The following NPFFR2 variants were observed in gnomAD, a reference collection of about 807,000 sequenced individuals.
NPFFR2 encodes neuropeptide FF receptor 2.
NPFFR2 carries 15 observed loss-of-function variants against 13.1 expected under a neutral mutation model. The observed-to-expected ratio is 1.15, with a 90% CI of 0.77 to 1.76. The LOEUF is 1.76. NPFFR2 is among the 40% of genes most tolerant of loss of function. The pLI is 0.00. For missense variants in NPFFR2, 572 were observed against 503.5 expected (o/e 1.14, Z -1.30); for synonymous variants, 190 against 175.7 (o/e 1.08, Z -0.65).
At chr4:72,128,354 A>C (rs1244104856) in intron 1 of NPFFR2, among the ~76,000 whole-genome samples, 2 of 152,174 alleles carry the variant, frequency 1.3e-5, no homozygotes, top group African/African-American at 4.8e-5. Flanking sequence ...AAAATATAAT[A>C]ATAACCATTA....
intron 1 of NPFFR2, among the ~76,000 whole-genome samples, chr4:72,039,006 G>A (rs1423961410): frequency 7.1e-6 from 1 of 140,020 alleles, no homozygotes; most frequent in Admixed American, 7.6e-5. Context: ...CCGGGTTCGC[G>A]CCATTCTCCT....
Position 72,075,248 on chromosome 4 carries a change from G to A in NPFFR2, c.-8+43048G>A, listed in dbSNP as rs1578438620. Reference sequence around the variant, plus strand: ...TGGATGCTTCCTGCCATTGAACAACGGACTCCAAGTTCTTCAGTTTTGGAA... The same window carrying A: ...TGGATGCTTCCTGCCATTGAACAACAGACTCCAAGTTCTTCAGTTTTGGAA... On this transcript the variant is annotated intron_variant, in intron 1 of 3. Coordinates refer to ENST00000308744, the MANE Select transcript of NPFFR2 (RefSeq NM_004885.3). Among the ~76,000 whole-genome samples, 4 of 152,208 alleles carry A rather than the reference G, an allele frequency of 2.6e-5. No individual in the cohort carries two copies. In the East Asian group the frequency reaches 7.7e-4, roughly 29 times the overall value.
intron 1 of NPFFR2, among the ~76,000 whole-genome samples, chr4:72,109,700 T>TTTG (rs528300096): frequency 6.7e-5 from 10 of 150,238 alleles, no homozygotes; most frequent in South Asian, 2.1e-4. Context: ...TTCCATGAAA[T>TTTG]TTGTTGTTGT....
At chr4:72,141,959 T>C (rs746652808) in intron 3 of NPFFR2, among the ~76,000 whole-genome samples, 7 of 152,182 alleles carry the variant, frequency 4.6e-5, no homozygotes, top group Non-Finnish European at 1.0e-4. Context: ...TGGGTGCATA[T>C]ATATTTAGGA....
intron 1 of NPFFR2, among the ~76,000 whole-genome samples, chr4:72,097,496 A>C (rs1335863479): frequency 6.6e-6 from 1 of 152,138 alleles, no homozygotes; most frequent in Non-Finnish European, 1.5e-5. Context: ...TGAGTTTAAT[A>C]AAATTGGTCT....
At chr4:72,056,534 A>T (rs1219606476) in intron 1 of NPFFR2, among the ~76,000 whole-genome samples, 1 of 152,042 alleles carries the variant, frequency 6.6e-6, no homozygotes, top group Non-Finnish European at 1.5e-5. Context: ...TAGTCCATAG[A>T]TCAATGAGTA....
intron 1 of NPFFR2, 76 bp downstream of exon 1, chr4:72,032,276 T>C (rs1354471790): frequency 2.8e-6 from 4 of 1,420,250 alleles, no homozygotes; most frequent in South Asian, 1.4e-5. Flanking sequence ...ACGCTTGCCT[T>C]GATGACACAT....
chr4:72,032,377 C>A (rs1381725283), intron 1 of NPFFR2, among the ~76,000 whole-genome samples, 177 bp downstream of exon 1: 1 of 152,214 alleles, frequency 6.6e-6, no homozygotes, highest in East Asian at 1.9e-4. Context: ...CACTGGGGGG[C>A]TTCTCTGCCC....
At chr4:72,115,820 C>G (rs886831008) in intron 1 of NPFFR2, among the ~76,000 whole-genome samples, 3 of 152,082 alleles carry the variant, frequency 2.0e-5, no homozygotes, top group Non-Finnish European at 4.4e-5. Flanking sequence ...ATAGTCTTCA[C>G]TATTTTCTTT....
chr4:72,079,873 A>G (rs963565427), intron 1 of NPFFR2, among the ~76,000 whole-genome samples: 14 of 152,164 alleles, frequency 9.2e-5, no homozygotes, highest in Admixed American at 5.2e-4. Flanking sequence ...CATCTCTTAC[A>G]TGATTGTCAG....
At chr4:72,094,292 C>A (rs919207923) in intron 1 of NPFFR2, among the ~76,000 whole-genome samples, 3 of 152,144 alleles carry the variant, frequency 2.0e-5, no homozygotes, top group African/African-American at 7.2e-5. Context: ...CTAAGTACTG[C>A]TGATTTTGTG....
chr4:72,140,905 G>A (rs1011352531), intron 3 of NPFFR2, among the ~76,000 whole-genome samples: 2 of 151,982 alleles, frequency 1.3e-5, no homozygotes, highest in African/African-American at 4.8e-5. Flanking sequence ...ACTTTTTTTG[G>A]TTGGTAAGCT....
At chr4:72,079,309 T>C (rs1720534323) in intron 1 of NPFFR2, among the ~76,000 whole-genome samples, 2 of 151,866 alleles carry the variant, frequency 1.3e-5, no homozygotes, top group Non-Finnish European at 2.9e-5. Context: ...TCGTCTTCTA[T>C]TTTTTTTAGT....
At chr4:72,109,431 A>G (rs1721503697) in intron 1 of NPFFR2, among the ~76,000 whole-genome samples, 1 of 151,942 alleles carries the variant, frequency 6.6e-6, no homozygotes, top group African/African-American at 2.4e-5. Flanking sequence ...TGTCTTGCAC[A>G]TTCATCCATG....
intron 3 of NPFFR2, among the ~76,000 whole-genome samples, chr4:72,138,417 C>T: frequency 6.6e-6 from 1 of 151,544 alleles, no homozygotes; most frequent in Admixed American, 6.6e-5. Context: ...CCCCTGCCCC[C>T]CCACCCAATG....
chr4:72,092,552 T>A (rs1720942925), intron 1 of NPFFR2, among the ~76,000 whole-genome samples: 1 of 152,180 alleles, frequency 6.6e-6, no homozygotes, highest in Admixed American at 6.5e-5. Context: ...TGGATTGTGA[T>A]ATTTTCCTGT....
chr4:72,033,639 CTGTT>C (rs1165140532), intron 1 of NPFFR2, among the ~76,000 whole-genome samples: 1 of 152,132 alleles, frequency 6.6e-6, no homozygotes, highest in Non-Finnish European at 1.5e-5. Context: ...CTTCATCTAT[CTGTT>C]TGTCTGTTTC....
At chr4:72,080,962 C>T (rs1232947436) in intron 1 of NPFFR2, among the ~76,000 whole-genome samples, 2 of 146,848 alleles carry the variant, frequency 1.4e-5, no homozygotes, top group Non-Finnish European at 2.9e-5. Context: ...ACATCTTCCC[C>T]ATAGATCCCT....
chr4:72,132,897 C>A (rs1342096231), intron 2 of NPFFR2, among the ~76,000 whole-genome samples: 2 of 152,154 alleles, frequency 1.3e-5, no homozygotes, highest in South Asian at 4.1e-4. Context: ...GGATATTAGA[C>A]CTTAGTCAAA....
Sources: gnomAD v4.1 joint callset for allele counts (sites outside exome capture counted in the v4.1 genomes callset) on GRCh38, gnomAD v4.1.1 for gene constraint, MANE v1.5 for transcripts, NCBI Gene and HGNC (gene_info 2026-07-23, HGNC 2026-07-21) for gene names.